The following GALNT14 variants were observed in gnomAD, a reference collection of about 807,000 sequenced individuals.
The protein encoded by GALNT14 is polypeptide N-acetylgalactosaminyltransferase 14.
GALNT14 carries 60 observed loss-of-function variants against 77.5 expected under a neutral mutation model. The ratio of observed to expected loss-of-function variants is 0.77; its 90% CI spans 0.63 to 0.96. The LOEUF (loss-of-function observed/expected upper bound fraction) is 0.96. Ranked by LOEUF, GALNT14 falls within the 40% of genes least tolerant of loss-of-function variation. The pLI is 0.00. For missense variants in GALNT14, 710 were observed against 731.0 expected, an observed-to-expected ratio of 0.97 and a Z score of 0.33; for synonymous variants, 280 against 281.7, an observed-to-expected ratio of 0.99 and a Z score of 0.06.
intron 12 of GALNT14, 33 bp downstream of exon 12, chr2:30,924,707 G>A (rs1168237784): frequency 6.3e-7 from 1 of 1,591,440 alleles, no homozygotes; most frequent in Admixed American, 1.7e-5. Flanking sequence ...TCTGCTTTCA[G>A]CCAGCCAAAG....
chr2:31,003,494 C>T (rs777286587), intron 1 of GALNT14, among the ~76,000 whole-genome samples: 11 of 152,206 alleles, frequency 7.2e-5, no homozygotes, highest in Non-Finnish European at 1.5e-4. Flanking sequence ...GGAGGGTCTG[C>T]CAGCCAGGCC....
chr2:31,071,690 C>T (rs1377055017), intron 1 of GALNT14, among the ~76,000 whole-genome samples: 5 of 152,206 alleles, frequency 3.3e-5, no homozygotes, highest in Non-Finnish European at 2.9e-5. Flanking sequence ...TCTTCCTTCT[C>T]GTCTGAGCCT....
intron 1 of GALNT14, among the ~76,000 whole-genome samples, chr2:31,116,732 G>A (rs1261712919): frequency 2.6e-5 from 4 of 152,084 alleles, no homozygotes; most frequent in Non-Finnish European, 5.9e-5. Flanking sequence ...TATATAGAGA[G>A]AACTATATAA....
chr2:31,002,783 T>C (rs1485493093), intron 1 of GALNT14, among the ~76,000 whole-genome samples: 1 of 152,172 alleles, frequency 6.6e-6, no homozygotes, highest in African/African-American at 2.4e-5. Context: ...GTGGCAGACA[T>C]TCCCCACAGC....
At chr2:31,117,809 G>A (rs1285731363) in intron 1 of GALNT14, among the ~76,000 whole-genome samples, 5 of 152,154 alleles carry the variant, frequency 3.3e-5, no homozygotes, top group African/African-American at 9.7e-5. Context: ...CAGTAGTCTT[G>A]GGTAGGTGTT....
At chr2:31,017,961 G>T (rs1671478525) in intron 1 of GALNT14, among the ~76,000 whole-genome samples, 1 of 152,206 alleles carries the variant, frequency 6.6e-6, no homozygotes, top group Non-Finnish European at 1.5e-5. Context: ...TGGTGACAAG[G>T]GTAAAATTGC....
intron 1 of GALNT14, among the ~76,000 whole-genome samples, chr2:31,038,076 ATATATATATTTTTTTTTTTTTT>A (rs1379996856): frequency 1.3e-5 from 1 of 76,082 alleles, no homozygotes; most frequent in Non-Finnish European, 2.4e-5. Flanking sequence ...ATATATATAT[ATATATATATTTTTTTTTTTTTT>A]TTTTTTTTTT....
chr2:31,055,726 A>C (rs923923918), intron 1 of GALNT14, among the ~76,000 whole-genome samples: 2 of 152,202 alleles, frequency 1.3e-5, no homozygotes, highest in African/African-American at 4.8e-5. Context: ...TGAACAGTGG[A>C]AACGTTACTT....
chr2:31,050,393 G>A (rs112856928), intron 1 of GALNT14, among the ~76,000 whole-genome samples: 1 of 152,154 alleles, frequency 6.6e-6, no homozygotes, highest in East Asian at 1.9e-4. Context: ...AGATGGACAG[G>A]CATGACCAGC....
chr2:30,896,596 G>A, the GALNT14 span, among the ~76,000 whole-genome samples: 1 of 152,234 alleles, frequency 6.6e-6, no homozygotes, highest in African/African-American at 2.4e-5. Context: ...ACAATGCTGG[G>A]GACCAAGCAA....
rs574046923 is a variant in GALNT14, at chr2:31,071,734, T to C, written c.129+66224A>G. Among the ~76,000 whole-genome samples, 121 of 152,370 alleles carry C rather than the reference T, an allele frequency of 7.9e-4. 1 individual carries two copies. The highest frequency in any genetic ancestry group is 1.3e-3 in the Admixed American group (20 of 15,308). On this transcript the variant is annotated intron_variant, in intron 1 of 14. Coordinates refer to ENST00000349752, the MANE Select transcript of GALNT14 (RefSeq NM_024572.4). ...CTGGCCCCTGCCTGCCTCTGGATTC[T>C]GACAGCTCTCTGTTCCTTCAGACCC...
At chr2:31,098,413 C>T (rs980031329) in intron 1 of GALNT14, among the ~76,000 whole-genome samples, 1 of 152,112 alleles carries the variant, frequency 6.6e-6, no homozygotes, top group Non-Finnish European at 1.5e-5. Context: ...ATGAATACCT[C>T]AGTGACTATG....
intron 1 of GALNT14, among the ~76,000 whole-genome samples, chr2:31,129,905 T>C (rs1051995224): frequency 6.6e-6 from 1 of 152,208 alleles, no homozygotes; most frequent in African/African-American, 2.4e-5. Context: ...ACTAGTTCTA[T>C]AGATGTTTCA....
chr2:30,953,269 G>A (rs1175653211), intron 6 of GALNT14, among the ~76,000 whole-genome samples: 1 of 136,038 alleles, frequency 7.4e-6, no homozygotes, highest in East Asian at 2.2e-4. Context: ...GTGCTCAAAT[G>A]TTTTCCATAT....
chr2:31,016,773 C>T (rs546352342), intron 1 of GALNT14, among the ~76,000 whole-genome samples: 4 of 152,262 alleles, frequency 2.6e-5, no homozygotes, highest in East Asian at 1.9e-4. Flanking sequence ...CATCTTCCCC[C>T]GCCTGCCCTG....
At chr2:30,888,491 G>C in the GALNT14 span, among the ~76,000 whole-genome samples, 1 of 152,228 alleles carries the variant, frequency 6.6e-6, no homozygotes, top group Non-Finnish European at 1.5e-5. Context: ...GTTAAGAAGA[G>C]TGGCCAGCAT....
At chr2:31,125,389 C>T (rs1573384796) in intron 1 of GALNT14, 5 of 673,748 alleles carry the variant, frequency 7.4e-6, no homozygotes, top group Non-Finnish European at 1.0e-5. Context: ...CTTGAAAGAG[C>T]CCTTATTTCT....
chr2:31,090,481 CTT>C (rs70962302), intron 1 of GALNT14, among the ~76,000 whole-genome samples: 2,816 of 93,018 alleles, frequency 0.03, 40 homozygotes, highest in African/African-American at 0.076. Flanking sequence ...GTCCCTTCAT[CTT>C]TTTTTTTTTT....
intron 2 of GALNT14, among the ~76,000 whole-genome samples, chr2:30,982,679 C>T (rs1344417926): frequency 6.6e-6 from 1 of 152,224 alleles, no homozygotes; most frequent in Non-Finnish European, 1.5e-5. Context: ...AGGGTGGCTT[C>T]TGGCAAACAC....
Sources: allele counts gnomAD v4.1 joint callset (sites outside exome capture counted in the v4.1 genomes callset), GRCh38; gene constraint gnomAD v4.1.1; transcripts MANE v1.5; gene names NCBI Gene and HGNC (gene_info 2026-07-23, HGNC 2026-07-21).